The following CTNND2 variants were observed in gnomAD, a reference collection of about 807,000 sequenced individuals.
CTNND2 encodes catenin delta 2, also known as catenin delta-2.
A neutral mutation model predicts 144.4 loss-of-function variants in CTNND2; 22 were observed. The observed-to-expected ratio is 0.15, with a 90% confidence interval of 0.11 to 0.22. The LOEUF (loss-of-function observed/expected upper bound fraction) is 0.22, where lower values mean the gene tolerates loss of function less well. CTNND2 is among the 10% of genes least tolerant of loss of function. The pLI is 1.00. For synonymous variants in CTNND2, 751 were observed against 695.6 expected (o/e 1.08, Z -1.25); for missense variants, 1,353 against 1,618.8 (o/e 0.84, Z 2.82).
chr5:11,096,241 C>T (rs1274487242), intron 15 of CTNND2, among the ~76,000 whole-genome samples: 1 of 152,110 alleles, frequency 6.6e-6, no homozygotes, highest in Non-Finnish European at 1.5e-5. Flanking sequence ...CAGGTATACA[C>T]ATACCATGGT....
chr5:11,664,293 C>T (rs1783435806), intron 2 of CTNND2, among the ~76,000 whole-genome samples: 1 of 152,134 alleles, frequency 6.6e-6, no homozygotes, highest in African/African-American at 2.4e-5. Flanking sequence ...ATTAAGACGA[C>T]TTAAAAATTA....
chr5:11,159,892 T>C (rs2149768156), intron 11 of CTNND2, 133 bp from the exon 12 acceptor site: 1 of 630,028 alleles, frequency 1.6e-6, no homozygotes, highest in Non-Finnish European at 2.6e-6. Flanking sequence ...CTAGAGTGTG[T>C]CCTTAATTTT....
intron 1 of CTNND2, among the ~76,000 whole-genome samples, chr5:11,800,435 A>G (rs1000138125): frequency 6.6e-6 from 1 of 152,190 alleles, no homozygotes; most frequent in Admixed American, 6.5e-5. Context: ...ATGAAATTAC[A>G]TAGTACATTT....
At position 11,153,291 on chromosome 5, in the gene CTNND2, C is replaced by T. The variant is rs145555696; in HGVS notation, c.2159+6285G>A. Among the ~76,000 whole-genome samples, 366 of 152,206 alleles carry T rather than the reference C, an allele frequency of 2.4e-3. 3 individuals are homozygous for T. The highest frequency in any genetic ancestry group is 8.3e-3 in the African/African-American group (343 of 41,542). On this transcript the variant is annotated intron_variant, in intron 12 of 21. Coordinates refer to ENST00000304623, the MANE Select transcript of CTNND2 (RefSeq NM_001332.4). ...GAATAAAAAAAAAGGGTGCTGAATT[C>T]AGCTGACACATGCCCCTCATCTCTG...
chr5:11,711,808 A>G (rs1786049884), intron 2 of CTNND2, among the ~76,000 whole-genome samples: 1 of 152,360 alleles, frequency 6.6e-6, no homozygotes, highest in African/African-American at 2.4e-5. Context: ...GGCCTTAAGT[A>G]TGCTAACTTA....
chr5:11,320,578 TG>T (rs1191013300), intron 9 of CTNND2, among the ~76,000 whole-genome samples: 1 of 152,064 alleles, frequency 6.6e-6, no homozygotes, highest in Non-Finnish European at 1.5e-5. Context: ...CATGGCTGGG[TG>T]GGGGCCTCAC....
chr5:11,711,779 TGCCACATACTA>T (rs2126694660), intron 2 of CTNND2, among the ~76,000 whole-genome samples: 1 of 152,358 alleles, frequency 6.6e-6, no homozygotes, highest in South Asian at 2.1e-4. Context: ...TTTCACACTT[TGCCACATACTA>T]GCCACACGGC....
At chr5:11,655,978 A>C (rs1432558656) in intron 2 of CTNND2, among the ~76,000 whole-genome samples, 1 of 151,378 alleles carries the variant, frequency 6.6e-6, no homozygotes, top group East Asian at 1.9e-4. Flanking sequence ...TAAATGTTGC[A>C]CCTGCAGCAG....
At chr5:11,374,253 T>C (rs73042266) in intron 7 of CTNND2, among the ~76,000 whole-genome samples, 3,755 of 152,292 alleles carry the variant, frequency 0.025, 153 homozygotes, top group African/African-American at 0.083. Flanking sequence ...TATGGAGTGA[T>C]TGAAATTTTG....
intron 9 of CTNND2, among the ~76,000 whole-genome samples, chr5:11,306,339 T>C (rs529613138): frequency 2.0e-5 from 3 of 152,314 alleles, no homozygotes; most frequent in East Asian, 3.9e-4. Flanking sequence ...GAATTAAAGA[T>C]TGGTCTATTT....
intron 12 of CTNND2, among the ~76,000 whole-genome samples, chr5:11,130,750 C>G (rs1322153115): frequency 6.6e-6 from 1 of 152,098 alleles, no homozygotes; most frequent in African/African-American, 2.4e-5. Context: ...TTTTTCATGA[C>G]CGGACGACGT....
At chr5:11,532,601 C>T (rs527898368) in intron 3 of CTNND2, among the ~76,000 whole-genome samples, 5 of 152,094 alleles carry the variant, frequency 3.3e-5, no homozygotes, top group African/African-American at 7.2e-5. Context: ...ATGAATAAAT[C>T]GGGCAACTCA....
intron 2 of CTNND2, among the ~76,000 whole-genome samples, chr5:11,647,851 T>G (rs1056907290): frequency 6.6e-6 from 1 of 152,144 alleles, no homozygotes; most frequent in Non-Finnish European, 1.5e-5. Flanking sequence ...AGCTTATGCA[T>G]CTAATTGTGT....
intron 3 of CTNND2, among the ~76,000 whole-genome samples, chr5:11,488,127 C>A (rs1769016302): frequency 1.3e-5 from 2 of 152,170 alleles, no homozygotes; most frequent in African/African-American, 4.8e-5. Flanking sequence ...ATCTGATTAT[C>A]TAAGAAAATA....
chr5:11,525,861 G>A (rs1031761982), intron 3 of CTNND2, among the ~76,000 whole-genome samples: 4 of 152,204 alleles, frequency 2.6e-5, no homozygotes, highest in African/African-American at 9.7e-5. Context: ...GGCCACCCAA[G>A]TCCTTGAACA....
intron 1 of CTNND2, among the ~76,000 whole-genome samples, chr5:11,737,698 T>C (rs1787768910): frequency 6.6e-6 from 1 of 152,160 alleles, no homozygotes; most frequent in African/African-American, 2.4e-5. Context: ...GTATTGGAGA[T>C]GGAGCCTTTA....
chr5:11,665,523 G>C (rs1408039668), intron 2 of CTNND2, among the ~76,000 whole-genome samples: 1 of 152,132 alleles, frequency 6.6e-6, no homozygotes, highest in African/African-American at 2.4e-5. Context: ...TAGACTAAGT[G>C]ACACAAGGAT....
At chr5:11,118,882 A>G (rs1328621106) in intron 12 of CTNND2, among the ~76,000 whole-genome samples, 1 of 152,194 alleles carries the variant, frequency 6.6e-6, no homozygotes, top group Non-Finnish European at 1.5e-5. Context: ...TCTGCTTCAG[A>G]TGGCCAAGAT....
intron 7 of CTNND2, among the ~76,000 whole-genome samples, chr5:11,383,792 C>T (rs1758768518): frequency 6.6e-6 from 1 of 152,122 alleles, no homozygotes; most frequent in African/African-American, 2.4e-5. Flanking sequence ...ACAATAAATC[C>T]GGGTTAGTTG....
Sources: allele counts gnomAD v4.1 joint callset (sites outside exome capture counted in the v4.1 genomes callset), GRCh38; gene constraint gnomAD v4.1.1; transcripts MANE v1.5; gene names NCBI Gene and HGNC (gene_info 2026-07-23, HGNC 2026-07-21).